Variants in PARD3B observed in about 807,000 individuals in gnomAD.
PARD3B encodes the protein par-3 family cell polarity regulator beta.
PARD3B carries 103 observed loss-of-function variants against 130.2 expected under a neutral mutation model. That is an observed-to-expected ratio of 0.79 (90% CI 0.67 to 0.93). The LOEUF is 0.93. Among genes scored for constraint, PARD3B ranks in the 40% least tolerant of loss-of-function variants. The pLI, the probability that PARD3B is intolerant of heterozygous loss-of-function variation, is 0.00. For synonymous variants in PARD3B, 583 were observed against 553.2 expected (o/e 1.05, Z -0.76); for missense variants, 1,609 against 1,499.2 (o/e 1.07, Z -1.21).
chr2:205,079,825 T>G (rs901757056), intron 4 of PARD3B, among the ~76,000 whole-genome samples: 2 of 152,094 alleles, frequency 1.3e-5, no homozygotes, highest in Non-Finnish European at 2.9e-5. Flanking sequence ...CTTAAGAGTT[T>G]AATTCTCCAT....
chr2:204,949,374 G>A (rs1480260681), intron 2 of PARD3B, among the ~76,000 whole-genome samples: 1 of 151,888 alleles, frequency 6.6e-6, no homozygotes, highest in Non-Finnish European at 1.5e-5. Context: ...CTAGAGTCCA[G>A]TGGCACAAAC....
intron 2 of PARD3B, among the ~76,000 whole-genome samples, 155 bp from the exon 3 acceptor site, chr2:204,964,997 T>C (rs1205839366): frequency 1.3e-5 from 2 of 152,150 alleles, no homozygotes; most frequent in Admixed American, 6.5e-5. Context: ...CATAATATTA[T>C]TGAAAAATTA....
chr2:205,293,980 T>C (rs766537350), intron 16 of PARD3B, among the ~76,000 whole-genome samples: 28 of 152,164 alleles, frequency 1.8e-4, no homozygotes, highest in South Asian at 4.1e-4. Context: ...TATTTGACCC[T>C]CAAATGAGTA....
intron 2 of PARD3B, among the ~76,000 whole-genome samples, chr2:204,852,780 A>C (rs147814674): frequency 6.6e-6 from 1 of 152,294 alleles, no homozygotes; most frequent in East Asian, 1.9e-4. Context: ...AAGGCTGAGT[A>C]ACTCAGCTAA....
chr2:204,971,604 C>G (rs1691711524), intron 3 of PARD3B, among the ~76,000 whole-genome samples: 1 of 151,120 alleles, frequency 6.6e-6, no homozygotes, highest in Admixed American at 6.6e-5. Context: ...TTTTTCCTTT[C>G]CTTCCCTGGG....
intron 21 of PARD3B, among the ~76,000 whole-genome samples, chr2:205,546,268 A>G (rs948013839): frequency 6.6e-6 from 1 of 152,202 alleles, no homozygotes; most frequent in Non-Finnish European, 1.5e-5. Flanking sequence ...TTCCTGAGCT[A>G]TATCAGTAAA....
At chr2:204,712,934 G>A (rs1483063068) in intron 2 of PARD3B, among the ~76,000 whole-genome samples, 3 of 152,200 alleles carry the variant, frequency 2.0e-5, no homozygotes, top group East Asian at 1.9e-4. Flanking sequence ...GCCCCTGTGT[G>A]TTGTGTTATT....
At chr2:204,576,854 T>G (rs1188597433) in intron 1 of PARD3B, among the ~76,000 whole-genome samples, 3 of 152,142 alleles carry the variant, frequency 2.0e-5, no homozygotes, top group Non-Finnish European at 4.4e-5. Context: ...ATAACAACAA[T>G]ATGGAATACA....
At chr2:205,195,035 G>A (rs1329554321) in intron 15 of PARD3B, among the ~76,000 whole-genome samples, 2 of 147,928 alleles carry the variant, frequency 1.4e-5, no homozygotes, top group Non-Finnish European at 3.0e-5. Flanking sequence ...CTGACCTCAA[G>A]TGATCCACCC....
intron 2 of PARD3B, among the ~76,000 whole-genome samples, chr2:204,710,257 T>A (rs923382150): frequency 6.6e-6 from 1 of 152,298 alleles, no homozygotes; most frequent in African/African-American, 2.4e-5. Flanking sequence ...CTTAGGATAA[T>A]AGAAATCTGT....
intron 15 of PARD3B, among the ~76,000 whole-genome samples, chr2:205,220,936 G>A (rs1173032307): frequency 2.0e-5 from 3 of 152,158 alleles, no homozygotes; most frequent in Non-Finnish European, 2.9e-5. Context: ...AGATGATATT[G>A]GAGGGGCTGC....
At chr2:204,784,788 A>T (rs2041951557) in intron 2 of PARD3B, among the ~76,000 whole-genome samples, 1 of 152,210 alleles carries the variant, frequency 6.6e-6, no homozygotes, top group South Asian at 2.1e-4. Context: ...CTTATTTGTT[A>T]CCCACCTTTC....
intron 2 of PARD3B, among the ~76,000 whole-genome samples, chr2:204,861,162 TTCTC>T (rs60740602): frequency 0.088 from 7,970 of 90,618 alleles, 256 homozygotes; most frequent in Admixed American, 0.11. Context: ...CCTAATACCT[TTCTC>T]TCTCTCTCTC....
chr2:204,978,595 A>T (rs966912435), intron 3 of PARD3B, among the ~76,000 whole-genome samples: 1 of 152,202 alleles, frequency 6.6e-6, no homozygotes, highest in Admixed American at 6.5e-5. Flanking sequence ...AGTAAAGCAC[A>T]TCAGCTTTCA....
intron 10 of PARD3B, among the ~76,000 whole-genome samples, chr2:205,157,259 A>G (rs1314878123): frequency 2.0e-5 from 3 of 152,220 alleles, no homozygotes; most frequent in African/African-American, 7.2e-5. Flanking sequence ...AATAGTTTAC[A>G]TTTAGTACGA....
At chr2:205,379,899 G>A (rs1574856466) in intron 18 of PARD3B, among the ~76,000 whole-genome samples, 1 of 150,764 alleles carries the variant, frequency 6.6e-6, no homozygotes, top group Non-Finnish European at 1.5e-5. Flanking sequence ...GAAACCCCGT[G>A]TCTACTAAAA....
intron 13 of PARD3B, among the ~76,000 whole-genome samples, chr2:205,179,924 A>G (rs2035694990): frequency 6.6e-6 from 1 of 152,186 alleles, no homozygotes; most frequent in Non-Finnish European, 1.5e-5. Context: ...TTGGAATTTC[A>G]ATAGAATGTT....
intron 1 of PARD3B, among the ~76,000 whole-genome samples, chr2:204,580,705 A>G (rs954002658): frequency 1.3e-5 from 2 of 152,150 alleles, no homozygotes; most frequent in African/African-American, 4.8e-5. Flanking sequence ...AGTATTGTCC[A>G]CGTATGACCT....
At chr2:205,571,510 AAGCAAAGAAAATCC>A (rs1438772354) in intron 22 of PARD3B, among the ~76,000 whole-genome samples, 3 of 152,258 alleles carry the variant, frequency 2.0e-5, no homozygotes, top group Non-Finnish European at 4.4e-5. Context: ...CCAAGGGAGC[AAGCAAAGAAAATCC>A]AGCAAAGAAA....
Sources: allele counts gnomAD v4.1 joint callset (sites outside exome capture counted in the v4.1 genomes callset), GRCh38; gene constraint gnomAD v4.1.1; transcripts MANE v1.5; gene names NCBI Gene and HGNC (gene_info 2026-07-23, HGNC 2026-07-21).